The following LEPR variants were observed in gnomAD, a reference collection of about 807,000 sequenced individuals.
LEPR encodes OB receptor.
A neutral mutation model predicts 114.7 loss-of-function variants in LEPR; 56 were observed. The ratio of observed to expected loss-of-function variants is 0.49; its 90% confidence interval spans 0.39 to 0.61. The LOEUF (loss-of-function observed/expected upper bound fraction) is 0.61. Ranked by LOEUF, LEPR falls within the 20% of genes least tolerant of loss-of-function variation. The probability of loss-of-function intolerance (pLI) is 0.00; values close to 1 mark genes in which losing one functional copy is unlikely to be tolerated. For missense variants in LEPR, 1,202 were observed against 1,352.9 expected (o/e 0.89, Z 1.75); for synonymous variants, 443 against 461.4 (o/e 0.96, Z 0.51).
chr1:65,473,887 T>C (rs952296263), intron 2 of LEPR, among the ~76,000 whole-genome samples: 6 of 152,218 alleles, frequency 3.9e-5, no homozygotes, highest in African/African-American at 1.2e-4. Context: ...TTATAAGAAA[T>C]TGAAAAATTC....
intron 2 of LEPR, among the ~76,000 whole-genome samples, chr1:65,485,802 A>G (rs1236564548): frequency 6.6e-6 from 1 of 152,128 alleles, no homozygotes; most frequent in Non-Finnish European, 1.5e-5. Context: ...GTCTCTTTGA[A>G]CATTTCTGCA....
intron 2 of LEPR, among the ~76,000 whole-genome samples, chr1:65,557,659 A>T (rs1208795063): frequency 1.3e-5 from 2 of 152,200 alleles, no homozygotes; most frequent in African/African-American, 4.8e-5. Context: ...ACCTCAAGTG[A>T]TCCACCCGCC....
chr1:65,463,517 G>A (rs946401075), intron 2 of LEPR, among the ~76,000 whole-genome samples: 3 of 152,204 alleles, frequency 2.0e-5, no homozygotes, highest in African/African-American at 4.8e-5. Context: ...CTCTTTTTTG[G>A]TTCCATACGA....
intron 5 of LEPR, 66 bp downstream of exon 5, chr1:65,572,515 G>T (rs987746139): frequency 6.9e-7 from 1 of 1,439,050 alleles, no homozygotes; most frequent in Non-Finnish European, 9.6e-7. Flanking sequence ...TTTCATATAC[G>T]GAAGTAGATT....
chr1:65,587,799 A>G (rs1288704559), intron 5 of LEPR, among the ~76,000 whole-genome samples: 1 of 151,992 alleles, frequency 6.6e-6, no homozygotes, highest in East Asian at 1.9e-4. Flanking sequence ...ATAATTCAAA[A>G]CATTTCATAT....
Position 65,616,015 on chromosome 1 carries a change from T to C in LEPR, c.2003T>C (p.Met668Thr). Residue 668 changes from methionine to threonine, a missense_variant, in exon 15 of 20, where the codon ATG (methionine) becomes ACG (threonine). By Grantham distance (81) the Met-to-Thr change is moderately conservative (BLOSUM62 -1). Transcript: ENST00000349533. Reference protein sequence around the residue: ...KNVTLLWKPLMKNDSLCSVQR... With the variant: ...KNVTLLWKPLTKNDSLCSVQR... ...TTTCTATATTTACTACAGCCCCTGA[T>C]GAAAAATGACTCATTGTGCAGTGTT... 8.7e-6 allele frequency: 14 copies of C among 1,614,116 alleles called. No homozygotes were observed. Among genetic ancestry groups the C allele is most frequent in the Non-Finnish European group, 1.1e-5 (13 of 1,179,980 alleles).
intron 2 of LEPR, among the ~76,000 whole-genome samples, chr1:65,499,679 C>T (rs1352332383): frequency 6.6e-6 from 1 of 152,100 alleles, no homozygotes; most frequent in Non-Finnish European, 1.5e-5. Flanking sequence ...ATAAGAACCA[C>T]ATTTCCATTC....
intron 2 of LEPR, among the ~76,000 whole-genome samples, chr1:65,472,014 C>G (rs1273099248): frequency 6.6e-6 from 1 of 152,152 alleles, no homozygotes; most frequent in Non-Finnish European, 1.5e-5. Context: ...GGCTTAAAGT[C>G]AGTTTGTAAT....
At chr1:65,458,450 C>G (rs950605969) in intron 2 of LEPR, among the ~76,000 whole-genome samples, 4 of 152,176 alleles carry the variant, frequency 2.6e-5, no homozygotes, top group Non-Finnish European at 2.9e-5. Context: ...ATACAGAATT[C>G]TAAATTGGTG....
At chr1:65,553,631 A>T (rs1457426689) in intron 2 of LEPR, among the ~76,000 whole-genome samples, 3 of 151,936 alleles carry the variant, frequency 2.0e-5, no homozygotes, top group African/African-American at 4.8e-5. Flanking sequence ...TTTTTTCAAC[A>T]TTCTTAGCTT....
chr1:65,535,827 T>G (rs1410688373), intron 2 of LEPR, among the ~76,000 whole-genome samples: 1 of 152,196 alleles, frequency 6.6e-6, no homozygotes, highest in African/African-American at 2.4e-5. Flanking sequence ...ATGTTTGTTT[T>G]TACTGACCAG....
At chr1:65,606,818 T>G (rs1322455004) in intron 11 of LEPR, among the ~76,000 whole-genome samples, 2 of 152,228 alleles carry the variant, frequency 1.3e-5, no homozygotes, top group African/African-American at 4.8e-5. Flanking sequence ...AATGTCTTTT[T>G]GTTCTATGAA....
chr1:65,574,851 T>TA (rs1654465625), intron 5 of LEPR, among the ~76,000 whole-genome samples: 1 of 152,174 alleles, frequency 6.6e-6, no homozygotes, highest in Non-Finnish European at 1.5e-5. Context: ...GTCTGAATGA[T>TA]ATGTACGGAT....
chr1:65,611,412 C>T (rs1657161149), intron 14 of LEPR, among the ~76,000 whole-genome samples: 2 of 152,262 alleles, frequency 1.3e-5, no homozygotes, highest in East Asian at 1.9e-4. Context: ...GAGTCTTGCC[C>T]GACAGATTAT....
chr1:65,590,162 A>G (rs991579623), intron 5 of LEPR, among the ~76,000 whole-genome samples: 6 of 151,352 alleles, frequency 4.0e-5, no homozygotes, highest in African/African-American at 1.5e-4. Context: ...ATTACAAAGT[A>G]TTTCTATTTT....
At chr1:65,570,452 G>GT in intron 3 of LEPR, 21 bp from the exon 4 acceptor site, 1 of 1,607,426 alleles carries the variant, frequency 6.2e-7, no homozygotes, top group Non-Finnish European at 8.5e-7. Flanking sequence ...TTTTCTATGT[G>GT]TCTTTTTAAT....
chr1:65,443,990 G>A lies in LEPR; in HGVS notation c.-21+18612G>A. On this transcript the variant is annotated intron_variant, in intron 2 of 19. Transcript: ENST00000349533. The stretch of plus-strand genomic sequence containing the variant: ...TTTTTTTTATACTCTAAGTTTTAGG[G>A]TACATGTGCACATTGTGCAGGTTAG... Among the ~76,000 whole-genome samples the A allele has an allele frequency of 6.7e-5, 2 of 30,042 alleles. 1 individual carries two copies. Among genetic ancestry groups the A allele is most frequent in the Non-Finnish European group, 2.0e-4 (2 of 9,914 alleles). 19.7% of individuals were successfully genotyped at this position (30,042 alleles called of 152,430 possible).
At chr1:65,494,863 T>C (rs1199476829) in intron 2 of LEPR, among the ~76,000 whole-genome samples, 1 of 152,126 alleles carries the variant, frequency 6.6e-6, no homozygotes, top group African/African-American at 2.4e-5. Flanking sequence ...GGGGCTATGA[T>C]TCCATAGTCA....
chr1:65,474,048 T>A (rs544634040), intron 2 of LEPR, among the ~76,000 whole-genome samples: 1 of 152,354 alleles, frequency 6.6e-6, no homozygotes, highest in South Asian at 2.1e-4. Context: ...TTGCTAAAAG[T>A]GATTGAACAG....
Sources: gnomAD v4.1 joint callset for allele counts (sites outside exome capture counted in the v4.1 genomes callset) on GRCh38, gnomAD v4.1.1 for gene constraint, MANE v1.5 for transcripts, NCBI Gene and HGNC (gene_info 2026-07-23, HGNC 2026-07-21) for gene names.